The following WWOX variants were observed in gnomAD, a reference collection of about 807,000 sequenced individuals.
The protein encoded by WWOX is WW domain containing oxidoreductase.
WWOX carries 69 observed loss-of-function variants against 46.2 expected under a neutral mutation model. The ratio of observed to expected loss-of-function variants is 1.49; its 90% CI spans 1.23 to 1.82. WWOX has a LOEUF of 1.82. Ranked by LOEUF, WWOX falls within the 40% of genes most tolerant of loss-of-function variation. The pLI is 0.00. For missense variants in WWOX, 919 were observed against 542.6 expected (o/e 1.69, Z -6.89); for synonymous variants, 359 against 202.6 (o/e 1.77, Z -6.56).
intron 8 of WWOX, among the ~76,000 whole-genome samples, chr16:78,502,528 T>C (rs1344435865): frequency 6.6e-6 from 1 of 152,256 alleles, no homozygotes; most frequent in Non-Finnish European, 1.5e-5. Flanking sequence ...TCATTTCTTT[T>C]TGTGGCTAAG....
intron 6 of WWOX, among the ~76,000 whole-genome samples, chr16:78,418,056 C>G (rs558147008): frequency 3.9e-5 from 6 of 152,260 alleles, no homozygotes; most frequent in Admixed American, 2.6e-4. Flanking sequence ...TGCTTTCCAG[C>G]AAGCGCTTAA....
intron 8 of WWOX, among the ~76,000 whole-genome samples, chr16:78,521,276 C>G (rs1302623516): frequency 1.3e-5 from 2 of 152,150 alleles, no homozygotes; most frequent in Non-Finnish European, 2.9e-5. Context: ...AGGCTGGTCT[C>G]TAACTCCTGG....
chr16:78,184,927 C>T (rs1024469218), intron 5 of WWOX, among the ~76,000 whole-genome samples: 1 of 152,186 alleles, frequency 6.6e-6, no homozygotes, highest in African/African-American at 2.4e-5. Context: ...ATTTCTTGCT[C>T]AAACTGTATT....
At chr16:79,040,423 AC>A (rs1266851476) in intron 8 of WWOX, among the ~76,000 whole-genome samples, 1 of 151,884 alleles carries the variant, frequency 6.6e-6, no homozygotes, top group Non-Finnish European at 1.5e-5. Flanking sequence ...CACAGGATGC[AC>A]CACCATGGCC....
intron 8 of WWOX, among the ~76,000 whole-genome samples, chr16:78,546,930 C>G (rs141506319): frequency 1.6e-3 from 248 of 151,926 alleles, no homozygotes; most frequent in Middle Eastern, 6.8e-3. Flanking sequence ...GGTTTCAGAT[C>G]AGTCTGGGCA....
chr16:78,809,164 A>G (rs1020718174), intron 8 of WWOX, among the ~76,000 whole-genome samples: 2 of 152,080 alleles, frequency 1.3e-5, no homozygotes, highest in African/African-American at 2.4e-5. Context: ...CTCAAGTCAT[A>G]GGAGAACTTG....
chr16:78,609,959 C>T (rs2045859318), intron 8 of WWOX, among the ~76,000 whole-genome samples: 1 of 147,254 alleles, frequency 6.8e-6, no homozygotes, highest in African/African-American at 2.5e-5. Flanking sequence ...AGGCTCAGAG[C>T]CCCCACCCCC....
At chr16:78,809,411 C>A (rs1380178743) in intron 8 of WWOX, among the ~76,000 whole-genome samples, 1 of 151,396 alleles carries the variant, frequency 6.6e-6, no homozygotes, top group Non-Finnish European at 1.5e-5. Flanking sequence ...TATTCTGCTT[C>A]CCTTCCCTAG....
intron 8 of WWOX, among the ~76,000 whole-genome samples, chr16:78,636,264 G>A (rs1291896033): frequency 1.3e-5 from 2 of 152,102 alleles, no homozygotes. Flanking sequence ...AAGGGTTATT[G>A]CAAACCTACT....
At chr16:78,696,686 G>T (rs1470286651) in intron 8 of WWOX, among the ~76,000 whole-genome samples, 4 of 138,986 alleles carry the variant, frequency 2.9e-5, no homozygotes, top group Admixed American at 1.4e-4. Flanking sequence ...CACCTGTTTT[G>T]GGGGGGGTAC....
chr16:78,396,474 CAT>C, intron 6 of WWOX, among the ~76,000 whole-genome samples: 1 of 152,112 alleles, frequency 6.6e-6, no homozygotes, highest in Admixed American at 6.6e-5. Context: ...AAATCAAAGT[CAT>C]ATATGTAAAT....
At chr16:78,764,333 C>G (rs1371930070) in intron 8 of WWOX, among the ~76,000 whole-genome samples, 2 of 151,562 alleles carry the variant, frequency 1.3e-5, no homozygotes, top group African/African-American at 4.8e-5. Flanking sequence ...CAGAACCTGG[C>G]AAGTCCTAAT....
intron 8 of WWOX, among the ~76,000 whole-genome samples, chr16:78,685,145 T>G (rs1567489531): frequency 6.6e-6 from 1 of 152,208 alleles, no homozygotes; most frequent in East Asian, 1.9e-4. Context: ...AGTCAGAGTT[T>G]CCATTCTGTT....
At chr16:79,091,915 G>A (rs2048969750) in intron 8 of WWOX, among the ~76,000 whole-genome samples, 1 of 151,222 alleles carries the variant, frequency 6.6e-6, no homozygotes, top group African/African-American at 2.4e-5. Flanking sequence ...TGAGTAGCTG[G>A]GACCACAGGT....
At chr16:78,158,783 A>G (rs1028698398) in intron 4 of WWOX, among the ~76,000 whole-genome samples, 8 of 152,174 alleles carry the variant, frequency 5.3e-5, no homozygotes, top group African/African-American at 1.9e-4. Flanking sequence ...ATAGAACTTG[A>G]TAAGTTTGGA....
At chr16:79,161,532 A>G (rs1165511674) in intron 8 of WWOX, among the ~76,000 whole-genome samples, 1 of 152,090 alleles carries the variant, frequency 6.6e-6, no homozygotes, top group Non-Finnish European at 1.5e-5. Flanking sequence ...TTTATTTTTT[A>G]TTGTTTTCAG....
At chr16:79,197,761 G>A (rs1452041375) in intron 8 of WWOX, among the ~76,000 whole-genome samples, 1 of 152,058 alleles carries the variant, frequency 6.6e-6, no homozygotes, top group Non-Finnish European at 1.5e-5. Context: ...CAAACACCCA[G>A]GACAAAGGGC....
chr16:78,340,891 A>G (rs1400281260), intron 5 of WWOX, among the ~76,000 whole-genome samples: 1 of 119,388 alleles, frequency 8.4e-6, no homozygotes, highest in Non-Finnish European at 2.0e-5. Flanking sequence ...CTCTTCTGAT[A>G]ATAAACTTCT....
intron 8 of WWOX, among the ~76,000 whole-genome samples, chr16:78,510,288 C>T (rs1332365618): frequency 6.6e-6 from 1 of 152,182 alleles, no homozygotes. Context: ...TCACCGCAAG[C>T]TCCGCCTCCT....
Sources: allele counts gnomAD v4.1 joint callset (sites outside exome capture counted in the v4.1 genomes callset), GRCh38; gene constraint gnomAD v4.1.1; transcripts MANE v1.5; gene names NCBI Gene and HGNC (gene_info 2026-07-23, HGNC 2026-07-21).